The following MAPK3 variants were observed in gnomAD, a reference collection of about 807,000 sequenced individuals.
MAPK3 encodes the protein MAPK 1.
Under a neutral mutation model 41.8 loss-of-function variants are expected in MAPK3, and 30 were observed. The observed-to-expected ratio is 0.72, with a 90% CI of 0.54 to 0.97. The LOEUF (loss-of-function observed/expected upper bound fraction) is 0.97. Among genes scored for constraint, MAPK3 ranks in the 50% least tolerant of loss-of-function variants. The pLI, the probability that MAPK3 is intolerant of heterozygous loss-of-function variation, is 0.00. For missense variants in MAPK3, 413 were observed against 509.9 expected (o/e 0.81, Z 1.83); for synonymous variants, 222 against 213.4 (o/e 1.04, Z -0.35).
In MAPK3 at chr16:30,118,558, C is replaced by T. The variant is rs145957708; in HGVS notation, c.354-20G>A. ...ATGTAGCTGAGGATGGTTCCGCAGA[C>T]CCCCCCAGGCAGGGGGCAGTGGGAG... On this transcript the variant is annotated intron_variant, in intron 2 of 8. Transcript: ENST00000263025. 1.7e-4 allele frequency: 265 copies of T among 1,592,226 alleles called. No individual in the cohort carries two copies. The highest frequency in any genetic ancestry group is 2.1e-4 in the Non-Finnish European group (243 of 1,166,294).
intron 4 of MAPK3, 50 bp downstream of exon 4, chr16:30,117,997 G>T: frequency 6.5e-7 from 1 of 1,528,888 alleles, no homozygotes; most frequent in African/African-American, 1.4e-5. Context: ...TAGCTCCAGG[G>T]CTTCCTGGGA....
Position 30,118,429 on chromosome 16 carries a change from T to C in MAPK3, c.463A>G (p.Lys155Glu). ...YFLYQILRGL[K>E]YIHSANVLHR... is the part of the protein sequence containing the mutation. ...AGCACGTTGGCGGAGTGGATGTACT[T>C]GAGGCCCCGCAGGATCTGGTAGAGG... Residue 155 changes from lysine (K) to glutamate (E), a missense_variant, in exon 3 of 9, where the codon AAG becomes GAG. Lys to Glu is a moderately conservative substitution (Grantham distance 56). Around this residue, in one of 4 missense-constraint regions of MAPK3, gnomAD observed 140 missense variants for 206.0 expected, o/e 0.68. Transcript: ENST00000263025. 1 of 1,613,946 alleles carries C rather than the reference T, an allele frequency of 6.2e-7. No individual in the cohort carries two copies. The highest frequency in any genetic ancestry group is 8.5e-7 in the Non-Finnish European group (1 of 1,179,958).
intron 4 of MAPK3, 81 bp downstream of exon 4, chr16:30,117,966 G>T (rs1196314774): frequency 6.1e-6 from 8 of 1,305,744 alleles, no homozygotes; most frequent in Non-Finnish European, 8.8e-6. Context: ...GTGTCATGGG[G>T]GTCAGTGTCT....
chr16:30,117,034 G>A, intron 6 of MAPK3, 31 bp from the exon 7 acceptor site: 1 of 1,592,920 alleles, frequency 6.3e-7, no homozygotes, highest in Non-Finnish European at 8.6e-7. Flanking sequence ...GGGGTCACAG[G>A]GAAGACTGGA....
chr16:30,118,537 A>G lies in MAPK3; in HGVS notation c.355T>C (p.Tyr119His). 6.2e-7 allele frequency: 1 copy of G among 1,611,448 alleles called. No individual in the cohort carries two copies. The highest frequency in any genetic ancestry group is 8.5e-7 in the Non-Finnish European group (1 of 1,178,568). ...ASTLEAMRDVYIVQDLMETDL... is the reference protein window; with the variant it reads ...ASTLEAMRDVHIVQDLMETDL... ...GTCTCCATCAGGTCCTGCACAATGT[A>G]GCTGAGGATGGTTCCGCAGACCCCC... The change falls in exon 3 of 9, where the codon TAC (tyrosine) becomes CAC (histidine). Residue 119 changes from tyrosine (Y) to histidine (H), a missense_variant and splice_region_variant. Transcript: ENST00000263025.
chr16:30,120,033 G>A (rs902939019), intron 2 of MAPK3, among the ~76,000 whole-genome samples: 2 of 152,196 alleles, frequency 1.3e-5, no homozygotes, highest in African/African-American at 4.8e-5. Context: ...GCCGGGCGTG[G>A]TGGCAGGCGC....
At chr16:30,116,859 G>A (rs1285673078) in intron 7 of MAPK3, 35 bp downstream of exon 7, 1 of 1,613,374 alleles carries the variant, frequency 6.2e-7, no homozygotes, top group Non-Finnish European at 8.5e-7. Context: ...CTGCTCCCCT[G>A]CCCCCAGCCC....
In MAPK3 at chr16:30,118,104, C is replaced by G. The variant is rs200443541; in HGVS notation, c.603G>C (p.Leu201=). 2 of 1,614,032 alleles carry G rather than the reference C, an allele frequency of 1.2e-6. No individual in the cohort carries two copies. Among genetic ancestry groups the G allele is most frequent in the Non-Finnish European group, 1.7e-6 (2 of 1,180,032 alleles). ...ACCAGCGCGTAGCCACATACTCCGT[C>G]AGGAAGCCGGTGTGGTCATGCTCAG... The part of the protein sequence containing the change: ...ADPEHDHTGF[L]TEYVATRWYR... Residue 201 remains leucine (L), a synonymous_variant, in exon 4 of 9, where the codon CTG becomes CTC. Transcript: ENST00000263025.
rs543253219 is a variant in MAPK3, at chr16:30,122,085, G to A, written c.171-79C>T. 2.7e-5 allele frequency: 38 copies of A among 1,385,308 alleles called. No homozygotes were observed. The African/African-American group carries it at 4.8e-4, about 18-fold the overall frequency. The allele number at this position is 1,385,308 out of a possible 1,614,324, so 85.8% of individuals were successfully genotyped here. A position where few individuals can be genotyped will look rare whatever the true frequency, so the allele number is the denominator to read the frequency against. ...GCCTGGTGGCCCCACCCAGGCCTTG[G>A]CAGGGAGGGGAGAGAGCAGGAGCTG... On this transcript the variant is annotated intron_variant, in intron 1 of 8. Transcript: ENST00000263025.
At position 30,121,854 on chromosome 16, in the gene MAPK3, C is replaced by T. The variant is rs771152806; in HGVS notation, c.323G>A (p.Arg108Gln). ...TCTCATGGCTTCCAGGGTGGACGCC[C>T]GCAGAATGTCTCGGATGCCGATGAC... ...ENVIGIRDIL[R>Q]ASTLEAMRDV... The change falls in exon 2 of 9, where the codon CGG becomes CAG. Residue 108 changes from arginine to glutamine, a missense_variant. This residue lies in a region of MAPK3 where 140 missense variants were observed against 206.0 expected (regional missense o/e 0.68). Coordinates refer to ENST00000263025, the MANE Select transcript of MAPK3 (RefSeq NM_002746.3). The T allele has an allele frequency of 1.9e-6, 3 of 1,613,972 alleles. No homozygotes were observed. Among genetic ancestry groups the T allele is most frequent in the East Asian group, 2.2e-5 (1 of 44,894 alleles).
chr16:30,115,759 T>TC, intron 8 of MAPK3: 1 of 150,670 alleles, frequency 6.6e-6, no homozygotes, highest in African/African-American at 2.4e-5. Flanking sequence ...CTTGGGCATT[T>TC]TTTTTTTTTT....
intron 1 of MAPK3, 83 bp from the exon 2 acceptor site, chr16:30,122,089 G>C: frequency 7.4e-7 from 1 of 1,347,238 alleles, no homozygotes; most frequent in Non-Finnish European, 1.1e-6. Flanking sequence ...GCCTTGGCAG[G>C]GAGGGGAGAG....
Position 30,123,188 on chromosome 16 carries a change from C to G in MAPK3, c.22G>C (p.Gly8Arg), listed in dbSNP as rs1275164140. 3.8e-6 allele frequency: 5 copies of G among 1,319,160 alleles called. No homozygotes were observed. Among genetic ancestry groups the G allele is most frequent in the Admixed American group, 6.3e-5 (2 of 31,724 alleles). 81.7% of individuals were successfully genotyped at this position (1,319,160 alleles called of 1,614,324 possible). MAAAAAQ[G>R]GGGGEPRRTE... Reference sequence around the variant, plus strand: ...CTACGGGGCTCCCCGCCCCCGCCCCCCTGAGCCGCCGCCGCCGCCATCTCC... The same window carrying G: ...CTACGGGGCTCCCCGCCCCCGCCCCGCTGAGCCGCCGCCGCCGCCATCTCC... Residue 8 changes from glycine to arginine, a missense_variant, in exon 1 of 9, where the codon GGG becomes CGG. Gly to Arg is a moderately radical substitution (Grantham distance 125, BLOSUM62 -2). Transcript: ENST00000263025.
intron 2 of MAPK3, 24 bp from the exon 3 acceptor site, chr16:30,118,562 C>T (rs1325217692): frequency 5.6e-6 from 9 of 1,597,898 alleles, no homozygotes; most frequent in South Asian, 1.1e-5. Context: ...CGCAGACCCC[C>T]CCAGGCAGGG....
intron 1 of MAPK3, 75 bp downstream of exon 1, chr16:30,122,965 G>T (rs2073031875): frequency 7.9e-7 from 1 of 1,258,684 alleles, no homozygotes. Flanking sequence ...CCCGGAAAGC[G>T]CTCGGCGCCT....
chr16:30,123,196 G>GGCCCCC lies in MAPK3; in HGVS notation c.13_14insGGGGGC (p.Ala5delinsGlyGlyPro). On this transcript the variant is annotated protein_altering_variant, in exon 1 of 9. Transcript: ENST00000263025. ...CTCCCCGCCCCCGCCCCCCTGAGCC[G>GGCCCCC]CCGCCGCCGCCATCTCCACTCCTCC... 3 of 822,550 alleles carry GGCCCCC rather than the reference G, an allele frequency of 3.6e-6. No individual in the cohort carries two copies. The highest frequency in any genetic ancestry group is 4.9e-6 in the Non-Finnish European group (3 of 613,044). 51.0% of individuals were successfully genotyped at this position (822,550 alleles called of 1,614,324 possible).
intron 8 of MAPK3, among the ~76,000 whole-genome samples, chr16:30,115,073 C>CA (rs35952168): frequency 0.11 from 7,127 of 65,480 alleles, 264 homozygotes; most frequent in African/African-American, 0.18. Flanking sequence ...CCCAGCTCCA[C>CA]AAAAAAAAAA....
At chr16:30,120,602 A>C (rs888025158) in intron 2 of MAPK3, among the ~76,000 whole-genome samples, 2 of 152,072 alleles carry the variant, frequency 1.3e-5, no homozygotes, top group Non-Finnish European at 2.9e-5. Flanking sequence ...AAGAAGGACA[A>C]GTTCCCATCT....
chr16:30,122,490 C>A (rs1029368746), intron 1 of MAPK3: 5 of 195,978 alleles, frequency 2.6e-5, no homozygotes, highest in Admixed American at 1.6e-4. Context: ...CCAGAGCACA[C>A]GGTGGGGCCG....
Sources: gnomAD v4.1 joint callset for allele counts (sites outside exome capture counted in the v4.1 genomes callset) on GRCh38, gnomAD v4.1.1 for gene constraint, gnomAD v4.1.1 regional missense constraint, MANE v1.5 for transcripts, NCBI Gene and HGNC (gene_info 2026-07-23, HGNC 2026-07-21) for gene names.